The following DENND5A variants were observed in gnomAD, a reference collection of about 807,000 sequenced individuals.
DENND5A encodes DENN domain-containing protein 5A.
In DENND5A, 64 loss-of-function variants were observed where a neutral mutation model predicts 140.3. The observed-to-expected ratio is 0.46, with a 90% CI of 0.37 to 0.56. The LOEUF is 0.56. DENND5A is among the 20% of genes least tolerant of loss of function. DENND5A has a pLI of 0.00. For missense variants in DENND5A, 1,292 were observed against 1,593.8 expected (o/e 0.81, Z 3.22); for synonymous variants, 605 against 607.7 (o/e 1.00, Z 0.07).
At chr11:9,227,874 G>A (rs749811980) in intron 1 of DENND5A, among the ~76,000 whole-genome samples, 20 of 151,774 alleles carry the variant, frequency 1.3e-4, no homozygotes, top group Non-Finnish European at 2.4e-4. Context: ...TTGGGAGGCC[G>A]TGGGGGCGGG....
chr11:9,197,084 C>T (rs1849355172), intron 4 of DENND5A, among the ~76,000 whole-genome samples: 2 of 151,156 alleles, frequency 1.3e-5, no homozygotes, highest in Admixed American at 1.3e-4. Flanking sequence ...GTAGGCGGAT[C>T]GCTTGAAGTC....
intron 1 of DENND5A, among the ~76,000 whole-genome samples, chr11:9,263,366 A>G (rs1852292150): frequency 6.7e-6 from 1 of 149,880 alleles, no homozygotes; most frequent in African/African-American, 2.4e-5. Context: ...GATTACAGGC[A>G]CGCGCCACGA....
intron 1 of DENND5A, among the ~76,000 whole-genome samples, chr11:9,221,806 G>T (rs1199394409): frequency 6.6e-6 from 1 of 151,998 alleles, no homozygotes; most frequent in African/African-American, 2.4e-5. Flanking sequence ...CACCCAGGCC[G>T]GAGTACAGTG....
At chr11:9,230,125 G>A (rs2136249315) in intron 1 of DENND5A, among the ~76,000 whole-genome samples, 1 of 150,662 alleles carries the variant, frequency 6.6e-6, no homozygotes, top group African/African-American at 2.4e-5. Context: ...TAGCCAGGAT[G>A]GTCTCGATCT....
At chr11:9,215,611 G>A (rs112810946) in intron 1 of DENND5A, among the ~76,000 whole-genome samples, 5 of 147,906 alleles carry the variant, frequency 3.4e-5, no homozygotes, top group South Asian at 2.1e-4. Context: ...GCAGTGGCAC[G>A]AACTCAGCTC....
At position 9,142,850 on chromosome 11, in the gene DENND5A, G is replaced by C; in HGVS notation, c.3388-5C>G. On this transcript the variant is annotated splice_polypyrimidine_tract_variant and splice_region_variant and intron_variant, in intron 20 of 22. Transcript: ENST00000328194. Reference sequence around the variant, plus strand: ...CAACAGCGTCAGACTGCCTCGCTACGTAAGGAAACAGGGGAGGGTGCCAGG... The same window carrying C: ...CAACAGCGTCAGACTGCCTCGCTACCTAAGGAAACAGGGGAGGGTGCCAGG... 6.2e-7 allele frequency: 1 copy of C among 1,613,840 alleles called. No homozygotes were observed. Among genetic ancestry groups the C allele is most frequent in the South Asian group, 1.1e-5 (1 of 91,040 alleles).
At chr11:9,225,494 C>T (rs1850492391) in intron 1 of DENND5A, among the ~76,000 whole-genome samples, 1 of 152,180 alleles carries the variant, frequency 6.6e-6, no homozygotes, top group Non-Finnish European at 1.5e-5. Context: ...GGCACGGTGG[C>T]TCACGCCTGT....
In DENND5A at chr11:9,150,609, TAAA is replaced by T. The variant is rs1453441571; in HGVS notation, c.2606+68_2606+70del. 2.7e-6 allele frequency: 3 copies of T among 1,095,450 alleles called. No homozygotes were observed. In the Admixed American group the frequency reaches 6.2e-5, roughly 23 times the overall value. The allele number at this position is 1,095,450 out of a possible 1,614,324, so 67.9% of individuals were successfully genotyped here. A position where few individuals can be genotyped will look rare whatever the true frequency, so the allele number is the denominator to read the frequency against. On this transcript the variant is annotated intron_variant, in intron 14 of 22. Coordinates refer to ENST00000328194, the MANE Select transcript of DENND5A (RefSeq NM_015213.4). ...GTAGCAGCCACTGAGACCTTGTTACTAAAAGTGGACACCTAAGCAGCAACTGAA... is the reference window on the plus strand; with the variant it reads ...GTAGCAGCCACTGAGACCTTGTTACTAGTGGACACCTAAGCAGCAACTGAA...
chr11:9,145,928 A>C, intron 16 of DENND5A, 113 bp from the exon 17 acceptor site: 37 of 1,129,560 alleles, frequency 3.3e-5, no homozygotes, highest in Non-Finnish European at 4.3e-5. Flanking sequence ...CTGCTATCTC[A>C]GCTCAAGCAG....
At chr11:9,215,805 C>T (rs1850069455) in intron 1 of DENND5A, among the ~76,000 whole-genome samples, 1 of 152,194 alleles carries the variant, frequency 6.6e-6, no homozygotes, top group Non-Finnish European at 1.5e-5. Context: ...CCGCCTCAGC[C>T]TCCCAAAGTG....
At chr11:9,153,344 C>CAGA (rs538957109) in intron 12 of DENND5A, among the ~76,000 whole-genome samples, 1 of 27,024 alleles carries the variant, frequency 3.7e-5, no homozygotes, top group Non-Finnish European at 7.0e-5. Context: ...GGCTCCCTCT[C>CAGA]AAAAAAAAAA....
At chr11:9,189,040 A>G (rs1368549551) in intron 5 of DENND5A, among the ~76,000 whole-genome samples, 1 of 152,154 alleles carries the variant, frequency 6.6e-6, no homozygotes, top group Non-Finnish European at 1.5e-5. Context: ...CCTAGGAGGA[A>G]AAAGTGGTTT....
intron 22 of DENND5A, among the ~76,000 whole-genome samples, chr11:9,140,864 C>T (rs12285553): frequency 0.023 from 3,493 of 152,260 alleles, 147 homozygotes; most frequent in African/African-American, 0.08. Flanking sequence ...TGGTGGCTCA[C>T]GCCTGTAATT....
chr11:9,195,807 T>A (rs1336950539), intron 4 of DENND5A, among the ~76,000 whole-genome samples: 1 of 152,182 alleles, frequency 6.6e-6, no homozygotes. Flanking sequence ...TATTTGGTCT[T>A]TTCCCCGGTT....
intron 1 of DENND5A, among the ~76,000 whole-genome samples, chr11:9,245,046 A>G (rs1328463723): frequency 6.7e-6 from 1 of 149,920 alleles, no homozygotes; most frequent in Non-Finnish European, 1.5e-5. Flanking sequence ...GCACTTTGGG[A>G]GGCCAAGGCG....
intron 6 of DENND5A, 101 bp downstream of exon 6, chr11:9,180,666 A>G: frequency 8.9e-7 from 1 of 1,121,404 alleles, no homozygotes; most frequent in Non-Finnish European, 1.3e-6. Flanking sequence ...CACAAATATG[A>G]GTTGTCCAGA....
intron 22 of DENND5A, 117 bp from the exon 23 acceptor site, chr11:9,139,971 A>T: frequency 9.0e-7 from 1 of 1,116,356 alleles, no homozygotes; most frequent in Non-Finnish European, 1.3e-6. Context: ...AGAAGCTGAC[A>T]GCCCCCCACA....
chr11:9,249,512 C>T (rs890478946), intron 1 of DENND5A, among the ~76,000 whole-genome samples: 1 of 152,108 alleles, frequency 6.6e-6, no homozygotes, highest in African/African-American at 2.4e-5. Flanking sequence ...CATGCCATCA[C>T]ACTGGGCTCA....
intron 1 of DENND5A, chr11:9,245,282 CAA>C (rs112989622): frequency 1.9e-4 from 18 of 96,184 alleles, no homozygotes; most frequent in Non-Finnish European, 1.9e-4. Context: ...AGACTGTCAC[CAA>C]AAAAAAAAAA....
Sources: allele counts gnomAD v4.1 joint callset (sites outside exome capture counted in the v4.1 genomes callset), GRCh38; gene constraint gnomAD v4.1.1; transcripts MANE v1.5; gene names NCBI Gene and HGNC (gene_info 2026-07-23, HGNC 2026-07-21).